Variants in KCNH1 observed in about 807,000 individuals in gnomAD.
KCNH1 encodes the protein voltage-gated delayed rectifier potassium channel KCNH1.
In KCNH1, 27 loss-of-function variants were observed where a neutral mutation model predicts 69.2. The observed-to-expected ratio is 0.39, with a 90% confidence interval of 0.29 to 0.54. The LOEUF (loss-of-function observed/expected upper bound fraction) is 0.54, where lower values mean the gene tolerates loss of function less well. Among genes scored for constraint, KCNH1 ranks in the 20% least tolerant of loss-of-function variants. The pLI, the probability that KCNH1 is intolerant of heterozygous loss-of-function variation, is 0.68. For missense variants in KCNH1, 798 were observed against 1,261.6 expected, an observed-to-expected ratio of 0.63 and a Z score of 5.57; for synonymous variants, 456 against 487.7, an observed-to-expected ratio of 0.93 and a Z score of 0.86.
intron 5 of KCNH1, among the ~76,000 whole-genome samples, chr1:211,024,671 T>C (rs188519378): frequency 3.9e-5 from 6 of 152,032 alleles, no homozygotes; most frequent in African/African-American, 1.2e-4. Context: ...GGACAAAGGA[T>C]TGAGGGAAGA....
Position 211,082,727 on chromosome 1 carries a change from C to T in KCNH1, c.558+53G>A, listed in dbSNP as rs956041615. 1.9e-5 allele frequency: 27 copies of T among 1,405,786 alleles called. No homozygotes were observed. In the East Asian group the frequency reaches 5.5e-4, roughly 29 times the overall value. 87.1% of individuals were successfully genotyped at this position (1,405,786 alleles called of 1,614,324 possible). A position where few individuals can be genotyped will look rare whatever the true frequency, so the allele number is the denominator to read the frequency against. ...CACTAGTTTTGTGCCATTGCCTCAG[C>T]CCATGCACCCCCTAAAAGTGAGGCT... On this transcript the variant is annotated intron_variant, in intron 5 of 10. Coordinates refer to ENST00000271751, the MANE Select transcript of KCNH1 (RefSeq NM_172362.3).
rs1244302743 is a variant in KCNH1, at chr1:210,867,129, A to G, written c.1462+52511T>C. Among the ~76,000 whole-genome samples, 3 of 152,130 alleles carry G rather than the reference A, an allele frequency of 2.0e-5. No individual in the cohort carries two copies. In the East Asian group the frequency reaches 5.8e-4, roughly 29 times the overall value. ...CTAGGAAATGTGAGGAGAAATGGAAAGTGACTGAAAATGGGTATGGGGTTT... is the reference window on the plus strand; with the variant it reads ...CTAGGAAATGTGAGGAGAAATGGAAGGTGACTGAAAATGGGTATGGGGTTT... On this transcript the variant is annotated intron_variant, in intron 7 of 10. Transcript: ENST00000271751.
intron 5 of KCNH1, among the ~76,000 whole-genome samples, chr1:211,062,129 T>C (rs182073982): frequency 1.3e-5 from 2 of 151,988 alleles, no homozygotes; most frequent in East Asian, 1.9e-4. Flanking sequence ...CATAGACCAA[T>C]AGAATAGAAT....
At chr1:210,831,617 A>G (rs1008378401) in intron 7 of KCNH1, among the ~76,000 whole-genome samples, 10 of 152,276 alleles carry the variant, frequency 6.6e-5, no homozygotes, top group Non-Finnish European at 1.2e-4. Context: ...TGCAGAAATC[A>G]TCTCCTCATA....
chr1:210,820,565 C>T (rs1217607338), intron 7 of KCNH1, among the ~76,000 whole-genome samples: 1 of 152,024 alleles, frequency 6.6e-6, no homozygotes, highest in East Asian at 1.9e-4. Context: ...ACCCAGGAGG[C>T]AGAGGTTGCA....
At chr1:210,731,425 A>T (rs988793720) in intron 10 of KCNH1, among the ~76,000 whole-genome samples, 1 of 152,120 alleles carries the variant, frequency 6.6e-6, no homozygotes. Flanking sequence ...AGTCCCTCAC[A>T]CTGGTTCATC....
At chr1:210,969,953 G>A (rs1406181601) in intron 6 of KCNH1, among the ~76,000 whole-genome samples, 1 of 152,038 alleles carries the variant, frequency 6.6e-6, no homozygotes, top group Non-Finnish European at 1.5e-5. Flanking sequence ...CTGGAGTACA[G>A]TGACATGATA....
chr1:210,874,469 G>A (rs1303338224), intron 7 of KCNH1, among the ~76,000 whole-genome samples: 1 of 152,164 alleles, frequency 6.6e-6, no homozygotes, highest in African/African-American at 2.4e-5. Flanking sequence ...ACTTTCTTCT[G>A]TATATACTCC....
chr1:210,856,899 A>ATATATATATATAT (rs57245090), intron 7 of KCNH1, among the ~76,000 whole-genome samples: 8 of 121,762 alleles, frequency 6.6e-5, no homozygotes, highest in East Asian at 2.9e-4. Flanking sequence ...ATATATATAT[A>ATATATATATATAT]AAATACTCAT....
intron 7 of KCNH1, among the ~76,000 whole-genome samples, chr1:210,889,194 AG>A (rs1686688664): frequency 6.6e-6 from 1 of 152,210 alleles, no homozygotes; most frequent in Non-Finnish European, 1.5e-5. Flanking sequence ...CACATCAAAA[AG>A]CTTCTCCACC....
At chr1:210,735,296 T>C (rs1389493466) in intron 10 of KCNH1, among the ~76,000 whole-genome samples, 1 of 152,136 alleles carries the variant, frequency 6.6e-6, no homozygotes, top group East Asian at 1.9e-4. Context: ...CTTCCAGTAT[T>C]TGTTGTCTGC....
chr1:210,775,085 G>A (rs1406475651), intron 10 of KCNH1, among the ~76,000 whole-genome samples: 2 of 151,468 alleles, frequency 1.3e-5, no homozygotes, highest in Non-Finnish European at 2.9e-5. Flanking sequence ...ATTGATGGGG[G>A]AAAAAAAAGC....
chr1:211,040,644 T>C (rs1270742783), intron 5 of KCNH1, among the ~76,000 whole-genome samples: 1 of 152,198 alleles, frequency 6.6e-6, no homozygotes, highest in Admixed American at 6.5e-5. Context: ...TTGAAAATTT[T>C]TCGTGTCCAG....
chr1:210,684,191 C>T, intron 10 of KCNH1, 53 bp from the exon 11 acceptor site: 1 of 1,471,238 alleles, frequency 6.8e-7, no homozygotes, highest in Non-Finnish European at 9.0e-7. Flanking sequence ...ATGCTGGCTG[C>T]AGCAGCCCAG....
At position 210,787,638 on chromosome 1, in the gene KCNH1, C is replaced by G. The variant is rs1370685208; in HGVS notation, c.1915+9870G>C. On this transcript the variant is annotated intron_variant, in intron 9 of 10. Coordinates refer to ENST00000271751, the MANE Select transcript of KCNH1 (RefSeq NM_172362.3). ...TTGAGGAGAAGATAGGTCCCCAGTC[C>G]AAGTGCAAGAACCTGGGTATCCTTA... 2.0e-5 allele frequency among the ~76,000 whole-genome samples: 3 copies of G among 152,274 alleles called. No individual in the cohort carries two copies. In the East Asian group the frequency reaches 5.8e-4, roughly 29 times the overall value.
chr1:210,689,581 A>C (rs1681484430), intron 10 of KCNH1, among the ~76,000 whole-genome samples: 1 of 152,250 alleles, frequency 6.6e-6, no homozygotes, highest in Admixed American at 6.5e-5. Flanking sequence ...GGTGTGAGTC[A>C]TTGAAATCTA....
chr1:210,831,479 G>A (rs1312937868), intron 7 of KCNH1, among the ~76,000 whole-genome samples: 2 of 152,180 alleles, frequency 1.3e-5, no homozygotes, highest in African/African-American at 4.8e-5. Flanking sequence ...GCCTCTGCCA[G>A]GTCACCAGCT....
chr1:210,954,675 A>T (rs535531791), intron 6 of KCNH1, among the ~76,000 whole-genome samples: 14 of 152,240 alleles, frequency 9.2e-5, no homozygotes, highest in Non-Finnish European at 2.1e-4. Context: ...CCATTTTTTC[A>T]TGTGTCCGTT....
intron 9 of KCNH1, among the ~76,000 whole-genome samples, chr1:210,790,928 T>A (rs1026101193): frequency 3.9e-5 from 6 of 152,188 alleles, no homozygotes; most frequent in African/African-American, 1.4e-4. Flanking sequence ...CATATCCCAC[T>A]GCTGCCCCGC....
Sources: allele counts gnomAD v4.1 joint callset (sites outside exome capture counted in the v4.1 genomes callset), GRCh38; gene constraint gnomAD v4.1.1; transcripts MANE v1.5; gene names NCBI Gene and HGNC (gene_info 2026-07-23, HGNC 2026-07-21).